Variants in VPS26B observed in about 807,000 individuals in gnomAD.
VPS26B encodes vacuolar protein sorting-associated protein 26B.
In VPS26B, 10 loss-of-function variants were observed where a neutral mutation model predicts 33.3. The ratio of observed to expected loss-of-function variants is 0.30; its 90% CI spans 0.19 to 0.51. The LOEUF (loss-of-function observed/expected upper bound fraction) is 0.51. Ranked by LOEUF, VPS26B falls within the 20% of genes least tolerant of loss-of-function variation. The probability of loss-of-function intolerance (pLI) is 0.98; values close to 1 mark genes in which losing one functional copy is unlikely to be tolerated. For missense variants in VPS26B, 317 were observed against 452.7 expected, an observed-to-expected ratio of 0.70 and a Z score of 2.72; for synonymous variants, 190 against 176.9, an observed-to-expected ratio of 1.07 and a Z score of -0.59.
At position 134,244,861 on chromosome 11, in the gene VPS26B, C is replaced by T; in HGVS notation, c.722-77C>T. 1 of 1,536,676 alleles carries T rather than the reference C, an allele frequency of 6.5e-7. No individual in the cohort carries two copies. The highest frequency in any genetic ancestry group is 1.4e-5 in the African/African-American group (1 of 73,458). On this transcript the variant is annotated intron_variant, in intron 4 of 5. Transcript: ENST00000281187. The surrounding 1 kb of genome is among the most constrained non-coding windows in gnomAD (Gnocchi z 4.0). ...GTGCTGCACTCCAGTGGCATCTCTG[C>T]AGTGGTCAGAGTGACCTGGTATAAG...
Position 134,239,980 on chromosome 11 carries a change from G to T in VPS26B, c.381-11G>T, listed in dbSNP as rs375988523. On this transcript the variant is annotated splice_polypyrimidine_tract_variant and intron_variant, in intron 2 of 5. Coordinates refer to ENST00000281187, the MANE Select transcript of VPS26B (RefSeq NM_052875.5). ...GGGAGTGTTTATTCATGACAGTTCC[G>T]TCTCCTACAGCTATTTCCTTCGTGC... 6.2e-7 allele frequency: 1 copy of T among 1,614,008 alleles called. No individual in the cohort carries two copies. Among genetic ancestry groups the T allele is most frequent in the Non-Finnish European group, 8.5e-7 (1 of 1,179,974 alleles).
intron 1 of VPS26B, among the ~76,000 whole-genome samples, chr11:134,231,854 C>T (rs955076581): frequency 3.3e-5 from 5 of 152,206 alleles, no homozygotes; most frequent in East Asian, 3.9e-4. Context: ...TGAACCACTA[C>T]GCCTGGCCTT....
intron 1 of VPS26B, among the ~76,000 whole-genome samples, chr11:134,232,035 T>C (rs1238344396): frequency 6.6e-6 from 1 of 152,244 alleles, no homozygotes; most frequent in Non-Finnish European, 1.5e-5. Context: ...TCTCAACTGT[T>C]GGTGGCAAGT....
At chr11:134,232,203 A>ACC (rs879674115) in intron 1 of VPS26B, among the ~76,000 whole-genome samples, 84,942 of 151,876 alleles carry the variant, frequency 0.56, 26,610 homozygotes, top group South Asian at 0.74. Context: ...GGAAGAATGA[A>ACC]AGATGACGCG....
intron 2 of VPS26B, among the ~76,000 whole-genome samples, chr11:134,236,108 G>T (rs766375551): frequency 6.6e-6 from 1 of 151,652 alleles, no homozygotes; most frequent in Non-Finnish European, 1.5e-5. Flanking sequence ...CCAGGAATTC[G>T]ACACCAGCCT....
chr11:134,227,031 A>G (rs1045940508), intron 1 of VPS26B, among the ~76,000 whole-genome samples: 2 of 152,166 alleles, frequency 1.3e-5, no homozygotes, highest in East Asian at 1.9e-4. Flanking sequence ...GTAGATGGCA[A>G]GGTTCCTCAG....
chr11:134,244,893 G>A lies in VPS26B; in HGVS notation c.722-45G>A, dbSNP rs1938786259. ...CAGAGTGACCTGGTATAAGGGAGAG[G>A]GCATCACCTTGCCCCCTGTGCTGAC... is the stretch of plus-strand genomic sequence containing the variant. On this transcript the variant is annotated intron_variant, in intron 4 of 5. Transcript: ENST00000281187. The surrounding 1 kb of genome is among the most constrained non-coding windows in gnomAD (Gnocchi z 4.0). The A allele has an allele frequency of 6.3e-7, 1 of 1,596,214 alleles. No individual in the cohort carries two copies. The highest frequency in any genetic ancestry group is 2.2e-5 in the East Asian group (1 of 44,826).
Position 134,225,318 on chromosome 11 carries a change from A to G in VPS26B, c.196A>G (p.Ile66Val). The stretch of plus-strand genomic sequence containing the variant: ...CAACAAGCGGCTGGAGCACCAGGGC[A>G]TCAAGATCGAGTTCATCGGGCAGAT... ...NPNKRLEHQG[I>V]KIEFIGQIEL... The change falls in exon 1 of 6, where the codon ATC becomes GTC. Residue 66 changes from isoleucine (I) to valine (V), a missense_variant. Coordinates refer to ENST00000281187, the MANE Select transcript of VPS26B (RefSeq NM_052875.5). The G allele has an allele frequency of 6.2e-7, 1 of 1,613,960 alleles. No homozygotes were observed. Among genetic ancestry groups the G allele is most frequent in the Non-Finnish European group, 8.5e-7 (1 of 1,179,926 alleles).
rs879813172 is a variant in VPS26B, at chr11:134,245,460, G to A, written c.881G>A (p.Arg294Gln). 46 of 1,613,888 alleles carry A rather than the reference G, an allele frequency of 2.9e-5. No individual in the cohort carries two copies. Among genetic ancestry groups the A allele is most frequent in the Non-Finnish European group, 3.6e-5 (43 of 1,179,892 alleles). Residue 294 changes from arginine to glutamine, a missense_variant, in exon 6 of 6, where the codon CGG becomes CAG. By Grantham distance (43) the Arg-to-Gln change is conservative. Transcript: ENST00000281187. The surrounding 1 kb of genome is among the most constrained non-coding windows in gnomAD (Gnocchi z 4.7). ...YFKQQEVVLW[R>Q]KGDIVRKSMS... ...ATTCTGCAGGAAGTGGTGTTGTGGC[G>A]GAAGGGTGACATCGTACGGAAGAGC...
intron 2 of VPS26B, among the ~76,000 whole-genome samples, chr11:134,238,234 G>A (rs539636954): frequency 6.6e-6 from 1 of 152,270 alleles, no homozygotes; most frequent in South Asian, 2.1e-4. Context: ...GGGCCGGAGT[G>A]GGGAGGAGAG....
chr11:134,236,385 A>C (rs1274879032), intron 2 of VPS26B: 1 of 152,144 alleles, frequency 6.6e-6, no homozygotes, highest in East Asian at 1.9e-4. Flanking sequence ...AAAGGTGTTG[A>C]AACCAGTATA....
At chr11:134,229,806 T>G (rs1047635099) in intron 1 of VPS26B, among the ~76,000 whole-genome samples, 5 of 152,196 alleles carry the variant, frequency 3.3e-5, no homozygotes, top group African/African-American at 1.2e-4. Context: ...TCTATCATTG[T>G]CAGTCCTTTC....
At chr11:134,239,574 G>A (rs1296819672) in intron 2 of VPS26B, 2 of 185,154 alleles carry the variant, frequency 1.1e-5, no homozygotes, top group East Asian at 2.7e-4. Context: ...ACTACGAGAC[G>A]GACTCCTTTG....
At chr11:134,227,018 G>T (rs1938487890) in intron 1 of VPS26B, among the ~76,000 whole-genome samples, 1 of 152,162 alleles carries the variant, frequency 6.6e-6, no homozygotes, top group Admixed American at 6.5e-5. Flanking sequence ...GTTCAATGGT[G>T]GGGTAGATGG....
chr11:134,247,360 T>C lies in VPS26B; in HGVS notation c.*1770T>C, dbSNP rs1456801273. 6.6e-6 allele frequency: 1 copy of C among 152,238 alleles called. No individual in the cohort carries two copies. Among genetic ancestry groups the C allele is most frequent in the Non-Finnish European group, 1.5e-5 (1 of 68,052 alleles). The allele number at this position is 152,238 out of a possible 1,614,324, so 9.4% of individuals were successfully genotyped here. Reference sequence around the variant, plus strand: ...TCCCTCCTTTTCCTAGCTGATATTCTAACTAGAAGCATTTGTCAATTCCTT... The same window carrying C: ...TCCCTCCTTTTCCTAGCTGATATTCCAACTAGAAGCATTTGTCAATTCCTT... On this transcript the variant is annotated 3_prime_UTR_variant, in exon 6 of 6. Coordinates refer to ENST00000281187, the MANE Select transcript of VPS26B (RefSeq NM_052875.5).
At position 134,235,018 on chromosome 11, in the gene VPS26B, G is replaced by A. The variant is rs189929621; in HGVS notation, c.345G>A (p.Pro115=). The part of the protein sequence containing the change: ...FDFEFTHVEK[P]YESYTGQNVK... ...TTGAGTTTACCCACGTGGAGAAGCC[G>A]TATGAGTCCTACACAGGGCAGAATG... Residue 115 remains proline (P), a synonymous_variant, in exon 2 of 6, where the codon CCG becomes CCA. Coordinates refer to ENST00000281187, the MANE Select transcript of VPS26B (RefSeq NM_052875.5). 103 of 1,614,160 alleles carry A rather than the reference G, an allele frequency of 6.4e-5. No homozygotes were observed. The highest frequency in any genetic ancestry group is 3.3e-4 in the African/African-American group (25 of 75,038).
chr11:134,232,274 C>T (rs958643659), intron 1 of VPS26B, among the ~76,000 whole-genome samples: 6 of 149,538 alleles, frequency 4.0e-5, no homozygotes, highest in Admixed American at 1.3e-4. Context: ...CCAGACCTCT[C>T]GTGAGAACAG....
intron 2 of VPS26B, among the ~76,000 whole-genome samples, chr11:134,239,357 G>A (rs756035053): frequency 5.9e-5 from 9 of 152,124 alleles, no homozygotes; most frequent in Non-Finnish European, 1.0e-4. Context: ...CATCTCCCCC[G>A]GTGAACTGTG....
rs138513836 is a variant in VPS26B, at chr11:134,231,983, T to C, written c.224-2914T>C. ...GGCGGCTGTCATGGGTGACCTGTGA[T>C]GCAAAGCTGGCTCAGTTTCCTTCCA... On this transcript the variant is annotated intron_variant, in intron 1 of 5. Transcript: ENST00000281187. 2.2e-3 allele frequency among the ~76,000 whole-genome samples: 333 copies of C among 152,372 alleles called. 1 individual carries two copies. The highest frequency in any genetic ancestry group is 2.6e-3 in the Non-Finnish European group (175 of 68,036).
Sources: gnomAD v4.1 joint callset for allele counts (sites outside exome capture counted in the v4.1 genomes callset) on GRCh38, gnomAD v4.1.1 for gene constraint, Gnocchi (gnomAD v3.1) non-coding constraint, MANE v1.5 for transcripts, NCBI Gene and HGNC (gene_info 2026-07-23, HGNC 2026-07-21) for gene names.